The following GRIA3 variants were observed in gnomAD, a reference collection of about 807,000 sequenced individuals.
GRIA3 encodes the protein glutamate receptor 3.
In GRIA3, 3 loss-of-function variants were observed where a neutral mutation model predicts 63.0. That is an observed-to-expected ratio of 0.05 (90% confidence interval 0.02 to 0.12). The LOEUF (loss-of-function observed/expected upper bound fraction) is 0.12, where lower values mean the gene tolerates loss of function less well. Among genes scored for constraint, GRIA3 ranks in the 10% least tolerant of loss-of-function variants. The pLI, the probability that GRIA3 is intolerant of heterozygous loss-of-function variation, is 1.00. For synonymous variants in GRIA3, 274 were observed against 257.9 expected, an observed-to-expected ratio of 1.06 and a Z score of -0.60; for missense variants, 347 against 700.9, an observed-to-expected ratio of 0.50 and a Z score of 5.70.
chrX:123,428,530 C>G (rs1448026452), intron 12 of GRIA3, among the ~76,000 whole-genome samples: 1 of 111,717 alleles, frequency 9.0e-6, no homozygotes, highest in Non-Finnish European at 1.9e-5. Flanking sequence ...TTTTATGTCT[C>G]AGAGGTTCAC....
chrX:123,200,035 A>G (rs1927684693), intron 2 of GRIA3, among the ~76,000 whole-genome samples: 1 of 111,734 alleles, frequency 8.9e-6, no homozygotes, highest in Non-Finnish European at 1.9e-5. Flanking sequence ...AGACTAACAG[A>G]TTATCAGAGC....
At chrX:123,486,033 G>C (rs2045938415) in intron 15 of GRIA3, among the ~76,000 whole-genome samples, 1 of 107,821 alleles carries the variant, frequency 9.3e-6, no homozygotes, top group South Asian at 4.3e-4. Flanking sequence ...AGAAAAGAGG[G>C]ATAGAGATAC....
At chrX:123,196,309 T>C (rs1314724858) in intron 2 of GRIA3, among the ~76,000 whole-genome samples, 1 of 112,077 alleles carries the variant, frequency 8.9e-6, no homozygotes, top group East Asian at 2.8e-4. Context: ...TTACGTACTT[T>C]TTGTTGGATA....
At chrX:123,284,258 A>C (rs1427556793) in intron 3 of GRIA3, among the ~76,000 whole-genome samples, 1 of 112,405 alleles carries the variant, frequency 8.9e-6, no homozygotes, top group Non-Finnish European at 1.9e-5. Context: ...ACCAACATCA[A>C]AGACCAAAGG....
intron 13 of GRIA3, among the ~76,000 whole-genome samples, chrX:123,477,071 C>A (rs1271362883): frequency 8.9e-6 from 1 of 111,797 alleles, no homozygotes; most frequent in Non-Finnish European, 1.9e-5. Flanking sequence ...GATGCTAAGT[C>A]ACCGATGTAC....
chrX:123,212,383 A>G (rs2147261101), intron 2 of GRIA3, among the ~76,000 whole-genome samples: 1 of 112,253 alleles, frequency 8.9e-6, no homozygotes, highest in East Asian at 2.8e-4. Context: ...CTTAAAAGTA[A>G]TATTGTGGTA....
chrX:123,224,312 T>C (rs1291667562), intron 2 of GRIA3, among the ~76,000 whole-genome samples: 1 of 111,975 alleles, frequency 8.9e-6, no homozygotes, highest in Admixed American at 9.5e-5. Context: ...TTCTAAGTCT[T>C]TATCTCTTGT....
intron 5 of GRIA3, among the ~76,000 whole-genome samples, chrX:123,375,300 T>A (rs1316619961): frequency 8.9e-6 from 1 of 112,375 alleles, no homozygotes; most frequent in Non-Finnish European, 1.9e-5. Flanking sequence ...TTGGTCTTGA[T>A]GAATGACATT....
At chrX:123,273,380 C>A in intron 3 of GRIA3, among the ~76,000 whole-genome samples, 1 of 111,877 alleles carries the variant, frequency 8.9e-6, no homozygotes, top group Non-Finnish European at 1.9e-5. Context: ...TCACTCCTCA[C>A]AACAATCAGA....
chrX:123,288,228 A>T (rs1263217501), intron 3 of GRIA3, among the ~76,000 whole-genome samples: 1 of 112,060 alleles, frequency 8.9e-6, no homozygotes, highest in African/African-American at 3.2e-5. Flanking sequence ...GAAAACTGAA[A>T]CTGGACCCCT....
intron 12 of GRIA3, among the ~76,000 whole-genome samples, chrX:123,438,795 G>A (rs1325095000): frequency 4.4e-5 from 5 of 112,655 alleles, no homozygotes; most frequent in African/African-American, 1.3e-4. Flanking sequence ...GTGAGCCACC[G>A]CACCCGATCT....
intron 3 of GRIA3, among the ~76,000 whole-genome samples, chrX:123,319,541 T>C (rs1027947855): frequency 1.8e-5 from 2 of 112,093 alleles, no homozygotes; most frequent in African/African-American, 6.5e-5. Flanking sequence ...AGCATATTAA[T>C]TTTATACTTA....
chrX:123,323,401 C>T (rs781768508), intron 3 of GRIA3, among the ~76,000 whole-genome samples: 24 of 111,679 alleles, frequency 2.1e-4, no homozygotes, highest in South Asian at 3.7e-4. Flanking sequence ...GTATTCTATG[C>T]GTATTTACTA....
At chrX:123,452,924 C>T (rs952753927) in intron 12 of GRIA3, among the ~76,000 whole-genome samples, 1 of 111,735 alleles carries the variant, frequency 8.9e-6, no homozygotes, top group Non-Finnish European at 1.9e-5. Flanking sequence ...GGTTCTGCAA[C>T]TTTTACACTG....
chrX:123,448,365 C>A (rs184196096), intron 12 of GRIA3, among the ~76,000 whole-genome samples: 36 of 111,642 alleles, frequency 3.2e-4, no homozygotes, highest in African/African-American at 1.2e-3. Flanking sequence ...AAGTTAATTC[C>A]CCAACCTACC....
At chrX:123,421,484 C>T (rs1376915009) in intron 11 of GRIA3, among the ~76,000 whole-genome samples, 1 of 112,285 alleles carries the variant, frequency 8.9e-6, no homozygotes, top group Non-Finnish European at 1.9e-5. Context: ...CAAACACCAG[C>T]AGTATACTTT....
intron 3 of GRIA3, among the ~76,000 whole-genome samples, chrX:123,284,299 G>T (rs1569413560): frequency 8.9e-6 from 1 of 111,750 alleles, no homozygotes; most frequent in Non-Finnish European, 1.9e-5. Context: ...AGAAAAACCG[G>T]CACAAAAAGG....
intron 5 of GRIA3, among the ~76,000 whole-genome samples, chrX:123,382,601 G>C (rs912184868): frequency 5.4e-5 from 6 of 111,633 alleles, no homozygotes; most frequent in African/African-American, 2.0e-4. Flanking sequence ...TGGGGTGTAT[G>C]CGGCAGGATG....
At chrX:123,235,544 A>T (rs1184927193) in intron 2 of GRIA3, among the ~76,000 whole-genome samples, 2 of 111,294 alleles carry the variant, frequency 1.8e-5, no homozygotes, top group Non-Finnish European at 3.8e-5. Context: ...ACAATACATT[A>T]AAAAAAACAC....
Sources: gnomAD v4.1 joint callset for allele counts (sites outside exome capture counted in the v4.1 genomes callset) on GRCh38, gnomAD v4.1.1 for gene constraint, MANE v1.5 for transcripts, NCBI Gene and HGNC (gene_info 2026-07-23, HGNC 2026-07-21) for gene names.